Variants in DLG2 observed in about 807,000 individuals in gnomAD.
The protein encoded by DLG2 is discs large MAGUK scaffold protein 2, also known as disks large homolog 2.
Under a neutral mutation model 132.5 loss-of-function variants are expected in DLG2, and 45 were observed. That is an observed-to-expected ratio of 0.34 (90% CI 0.27 to 0.44). The LOEUF (loss-of-function observed/expected upper bound fraction) is 0.44. DLG2 is among the 20% of genes least tolerant of loss of function. The probability of loss-of-function intolerance (pLI) is 1.00; values close to 1 mark genes in which losing one functional copy is unlikely to be tolerated. For missense variants in DLG2, 1,045 were observed against 1,196.9 expected (o/e 0.87, Z 1.87); for synonymous variants, 424 against 419.6 (o/e 1.01, Z -0.13).
chr11:84,951,583 T>C, intron 6 of DLG2, among the ~76,000 whole-genome samples: 1 of 150,916 alleles, frequency 6.6e-6, no homozygotes, highest in East Asian at 1.9e-4. Flanking sequence ...ATGGCTTTAA[T>C]ACATACATAT....
chr11:83,864,773 CT>C (rs2062011179), intron 16 of DLG2, among the ~76,000 whole-genome samples: 1 of 151,826 alleles, frequency 6.6e-6, no homozygotes, highest in African/African-American at 2.4e-5. Flanking sequence ...AACAGAAATC[CT>C]GATGGAATTT....
At chr11:83,698,546 C>T (rs1169887986) in intron 18 of DLG2, among the ~76,000 whole-genome samples, 1 of 152,108 alleles carries the variant, frequency 6.6e-6, no homozygotes, top group Non-Finnish European at 1.5e-5. Flanking sequence ...CCTGGAAGGA[C>T]CTCAATGTAG....
At chr11:85,171,824 A>G (rs1200479216) in intron 4 of DLG2, among the ~76,000 whole-genome samples, 1 of 152,218 alleles carries the variant, frequency 6.6e-6, no homozygotes, top group African/African-American at 2.4e-5. Flanking sequence ...GTTCCCCACA[A>G]TACAGCATAG....
At chr11:83,513,685 CA>C (rs1286301996) in intron 21 of DLG2, among the ~76,000 whole-genome samples, 1 of 152,052 alleles carries the variant, frequency 6.6e-6, no homozygotes, top group African/African-American at 2.4e-5. Context: ...GTCTTTAATC[CA>C]TCTTGAATTC....
chr11:84,733,731 G>T (rs943302127), intron 6 of DLG2, among the ~76,000 whole-genome samples: 1 of 152,160 alleles, frequency 6.6e-6, no homozygotes, highest in Non-Finnish European at 1.5e-5. Flanking sequence ...GTCCTGAATG[G>T]TAATGCCTAG....
chr11:84,018,252 G>C (rs189255740), intron 11 of DLG2, among the ~76,000 whole-genome samples: 2 of 151,400 alleles, frequency 1.3e-5, no homozygotes, highest in African/African-American at 4.8e-5. Context: ...TCCATTTTTT[G>C]TTCATTTCAG....
chr11:83,781,597 A>G (rs1488423595), intron 18 of DLG2, among the ~76,000 whole-genome samples: 1 of 152,172 alleles, frequency 6.6e-6, no homozygotes, highest in Non-Finnish European at 1.5e-5. Context: ...ACTGGTAAGG[A>G]CTGTACCATC....
At chr11:84,723,074 G>C (rs2062016960) in intron 6 of DLG2, among the ~76,000 whole-genome samples, 2 of 152,162 alleles carry the variant, frequency 1.3e-5, no homozygotes, top group Admixed American at 1.3e-4. Flanking sequence ...CCCACCTACA[G>C]AGCATCTATA....
chr11:85,324,813 G>A (rs1047212412), intron 3 of DLG2, among the ~76,000 whole-genome samples: 5 of 151,956 alleles, frequency 3.3e-5, no homozygotes, highest in African/African-American at 7.3e-5. Flanking sequence ...AGCTCCCAGC[G>A]TGAGCGACGC....
intron 7 of DLG2, among the ~76,000 whole-genome samples, chr11:84,360,508 G>C (rs983166768): frequency 2.0e-5 from 3 of 151,946 alleles, no homozygotes; most frequent in Non-Finnish European, 4.4e-5. Flanking sequence ...TATCATCCAT[G>C]AGAGAAAGGA....
intron 11 of DLG2, among the ~76,000 whole-genome samples, chr11:84,039,027 T>C (rs114011291): frequency 0.014 from 2,160 of 152,102 alleles, 56 homozygotes; most frequent in African/African-American, 0.05. Flanking sequence ...ATGAGATTTG[T>C]TTTAAAGTTT....
chr11:84,035,248 A>G (rs1463210313), intron 11 of DLG2, among the ~76,000 whole-genome samples: 2 of 152,088 alleles, frequency 1.3e-5, no homozygotes, highest in East Asian at 1.9e-4. Context: ...TCCAACACTT[A>G]TTGAGTACTT....
chr11:84,369,222 G>A (rs1425810498), intron 7 of DLG2, among the ~76,000 whole-genome samples: 1 of 151,750 alleles, frequency 6.6e-6, no homozygotes, highest in African/African-American at 2.4e-5. Context: ...AAAAAAAATA[G>A]AGAGCTCCAG....
chr11:84,891,825 C>T (rs2089444012), intron 6 of DLG2, among the ~76,000 whole-genome samples: 1 of 152,146 alleles, frequency 6.6e-6, no homozygotes, highest in Non-Finnish European at 1.5e-5. Flanking sequence ...CCTGTGAATA[C>T]AGACCTAAAG....
chr11:84,842,850 T>C (rs994356731), intron 6 of DLG2, among the ~76,000 whole-genome samples: 17 of 151,970 alleles, frequency 1.1e-4, no homozygotes, highest in Middle Eastern at 3.4e-3. Flanking sequence ...ATACAGACTC[T>C]TTCTTGGTAT....
At chr11:84,469,252 C>A (rs985880217) in intron 7 of DLG2, among the ~76,000 whole-genome samples, 14 of 151,556 alleles carry the variant, frequency 9.2e-5, no homozygotes, top group African/African-American at 2.9e-4. Context: ...GAAGAACACA[C>A]TGAAGGAATA....
At chr11:84,994,233 T>C (rs561306902) in intron 6 of DLG2, among the ~76,000 whole-genome samples, 1 of 152,302 alleles carries the variant, frequency 6.6e-6, no homozygotes, top group African/African-American at 2.4e-5. Context: ...TCTCTCCAGC[T>C]CTACTCATCT....
rs34476380 is a variant in DLG2 at position 84,402,881 on chromosome 11, C to CAAAAAAA, written c.519+131682_519+131688dup. On this transcript the variant is annotated intron_variant, in intron 7 of 27. Coordinates refer to ENST00000376104, the MANE Select transcript of DLG2 (RefSeq NM_001142699.3). Reference sequence around the variant, plus strand: ...TGGGCGACAGAGCGAAACTCCGTCTCAAAAAAAAAAAAAAAAAAAATTAAC... The same window carrying CAAAAAAA: ...TGGGCGACAGAGCGAAACTCCGTCTCAAAAAAAAAAAAAAAAAAAAAAAAAAATTAAC... Among the ~76,000 whole-genome samples, 52 of 73,870 alleles carry CAAAAAAA rather than the reference C, an allele frequency of 7.0e-4. 2 individuals carry two copies. In the South Asian group the frequency reaches 7.9e-3, roughly 11 times the overall value. 48.5% of individuals were successfully genotyped at this position (73,870 alleles called of 152,430 possible).
chr11:85,046,778 T>C (rs2062387761), intron 6 of DLG2, among the ~76,000 whole-genome samples: 1 of 151,894 alleles, frequency 6.6e-6, no homozygotes, highest in Non-Finnish European at 1.5e-5. Flanking sequence ...AGCCTAACTA[T>C]TGCCAACTTG....
Sources: allele counts gnomAD v4.1 joint callset (sites outside exome capture counted in the v4.1 genomes callset), GRCh38; gene constraint gnomAD v4.1.1; transcripts MANE v1.5; gene names NCBI Gene and HGNC (gene_info 2026-07-23, HGNC 2026-07-21).